Variants in ANXA8 observed in about 807,000 individuals in gnomAD.
ANXA8 encodes the protein annexin A8.
In ANXA8, 9 loss-of-function variants were observed where a neutral mutation model predicts 26.8. The ratio of observed to expected loss-of-function variants is 0.34; its 90% confidence interval spans 0.20 to 0.59. The LOEUF is 0.59. Ranked by LOEUF, ANXA8 falls within the 20% of genes least tolerant of loss-of-function variation. The probability of loss-of-function intolerance (pLI) is 0.84; values close to 1 mark genes in which losing one functional copy is unlikely to be tolerated. For synonymous variants in ANXA8, 39 were observed against 94.8 expected (o/e 0.41, Z 3.42); for missense variants, 83 against 238.5 (o/e 0.35, Z 4.29).
At chr10:47,526,037 G>T in the ANXA8 span, among the ~76,000 whole-genome samples, 3 of 136,892 alleles carry the variant, frequency 2.2e-5, 1 homozygote, top group Non-Finnish European at 4.7e-5. Context: ...CTCCCAAAGT[G>T]CTAGGACTAC....
At chr10:47,986,535 T>C in the ANXA8 span, 1 of 315,856 alleles carries the variant, frequency 3.2e-6, no homozygotes, top group South Asian at 2.5e-5. Context: ...GGCAGGTCGC[T>C]CCTCAGGGAC....
the ANXA8 span, among the ~76,000 whole-genome samples, chr10:47,497,767 G>T: frequency 6.7e-6 from 1 of 150,052 alleles, no homozygotes; most frequent in Non-Finnish European, 1.5e-5. Flanking sequence ...GTGAAACCCC[G>T]TCTCTACTAA....
chr10:47,943,692 A>C, the ANXA8 span, among the ~76,000 whole-genome samples: 2 of 151,526 alleles, frequency 1.3e-5, no homozygotes, highest in East Asian at 3.9e-4. Context: ...TTCTCTCTAT[A>C]GTAAGGCAGT....
At chr10:47,701,315 C>T in the ANXA8 span, among the ~76,000 whole-genome samples, 1 of 151,428 alleles carries the variant, frequency 6.6e-6, no homozygotes, top group East Asian at 1.9e-4. Flanking sequence ...TTGGCAATAT[C>T]TAACAAAATT....
At chr10:47,901,124 C>T in the ANXA8 span, among the ~76,000 whole-genome samples, 3 of 142,270 alleles carry the variant, frequency 2.1e-5, no homozygotes, top group African/African-American at 8.1e-5. Flanking sequence ...ATCACCCCAG[C>T]CAAGCAAAAA....
chr10:47,940,454 A>T, the ANXA8 span, among the ~76,000 whole-genome samples: 1 of 147,400 alleles, frequency 6.8e-6, no homozygotes, highest in Non-Finnish European at 1.5e-5. Context: ...CAGCAACAGC[A>T]TGAAAAAAAT....
the ANXA8 span, among the ~76,000 whole-genome samples, chr10:47,929,092 C>T: frequency 1.6e-5 from 2 of 122,206 alleles, no homozygotes; most frequent in African/African-American, 3.2e-5. Flanking sequence ...TCTCGGCCTC[C>T]CAAAGTGCTG....
chr10:47,495,624 G>T, the ANXA8 span, among the ~76,000 whole-genome samples: 3 of 148,488 alleles, frequency 2.0e-5, no homozygotes, highest in Non-Finnish European at 4.4e-5. Flanking sequence ...TCTCCTTCTG[G>T]AAACTATATG....
the ANXA8 span, among the ~76,000 whole-genome samples, chr10:47,673,551 G>A: frequency 6.7e-6 from 1 of 150,250 alleles, no homozygotes; most frequent in Non-Finnish European, 1.5e-5. Context: ...CTGCACGAGG[G>A]CACCTGAGCT....
At chr10:47,915,169 C>T in the ANXA8 span, among the ~76,000 whole-genome samples, 1 of 149,142 alleles carries the variant, frequency 6.7e-6, no homozygotes, top group Non-Finnish European at 1.5e-5. Context: ...GGACATTTCT[C>T]AGGGAGCTGT....
chr10:47,975,052 T>C, the ANXA8 span, among the ~76,000 whole-genome samples: 2 of 150,032 alleles, frequency 1.3e-5, no homozygotes, highest in Non-Finnish European at 3.0e-5. Flanking sequence ...GGATTAATAC[T>C]CATTTCCAAA....
chr10:47,718,465 T>C, the ANXA8 span, among the ~76,000 whole-genome samples: 3 of 111,262 alleles, frequency 2.7e-5, no homozygotes, highest in East Asian at 7.9e-4. Flanking sequence ...AGAGTGAGAC[T>C]GTCTCAAAAC....
chr10:47,497,750 G>A, the ANXA8 span, among the ~76,000 whole-genome samples: 17 of 149,420 alleles, frequency 1.1e-4, no homozygotes, highest in African/African-American at 2.5e-4. Context: ...CCAGCCTGGC[G>A]AACATGGTGA....
the ANXA8 span, among the ~76,000 whole-genome samples, chr10:47,552,938 G>A: frequency 6.6e-6 from 1 of 151,808 alleles, no homozygotes; most frequent in Non-Finnish European, 1.5e-5. Flanking sequence ...GCTGCAGAGG[G>A]TGCTACTGGA....
the ANXA8 span, among the ~76,000 whole-genome samples, chr10:47,733,245 T>TTCTC: frequency 1.2e-5 from 1 of 81,256 alleles, no homozygotes; most frequent in African/African-American, 5.6e-5. Context: ...CTTTCTTTCT[T>TTCTC]TCTTTCTTTC....
the ANXA8 span, among the ~76,000 whole-genome samples, chr10:47,733,261 T>TTCTCTTTCTTTCTC: frequency 4.2e-4 from 47 of 110,960 alleles, no homozygotes; most frequent in East Asian, 6.7e-4. Context: ...CTTTCTTTCT[T>TTCTCTTTCTTTCTC]TCTTTCTTTC....
At chr10:47,765,439 G>A in the ANXA8 span, among the ~76,000 whole-genome samples, 1 of 151,778 alleles carries the variant, frequency 6.6e-6, no homozygotes, top group Non-Finnish European at 1.5e-5. Context: ...GTGGGGCATG[G>A]CATCCACACC....
chr10:47,585,132 G>A, the ANXA8 span, among the ~76,000 whole-genome samples: 1 of 142,926 alleles, frequency 7.0e-6, no homozygotes, highest in East Asian at 2.0e-4. Context: ...GCATGGTGGT[G>A]GGCGCCTGTA....
At chr10:47,498,518 G>A in the ANXA8 span, among the ~76,000 whole-genome samples, 2 of 144,452 alleles carry the variant, frequency 1.4e-5, no homozygotes, top group South Asian at 2.2e-4. Flanking sequence ...ATACCCAGAA[G>A]TGATATTGCC....
Sources: gnomAD v4.1 joint callset for allele counts (sites outside exome capture counted in the v4.1 genomes callset) on GRCh38, gnomAD v4.1.1 for gene constraint, MANE v1.5 for transcripts, NCBI Gene and HGNC (gene_info 2026-07-23, HGNC 2026-07-21) for gene names.